RBFOX1: variants seen among roughly 807,000 people sequenced by gnomAD.
RBFOX1 encodes the protein RNA binding fox-1 homolog 1.
In RBFOX1, 8 loss-of-function variants were observed where a neutral mutation model predicts 57.7. The observed-to-expected ratio is 0.14, with a 90% CI of 0.08 to 0.25. The LOEUF is 0.25. RBFOX1 is among the 10% of genes least tolerant of loss of function. RBFOX1 has a pLI of 1.00. For synonymous variants in RBFOX1, 326 were observed against 222.4 expected (o/e 1.47, Z -4.15); for missense variants, 611 against 548.5 (o/e 1.11, Z -1.14).
intron 2 of RBFOX1, among the ~76,000 whole-genome samples, chr16:5,501,007 T>A (rs2043174892): frequency 6.6e-6 from 1 of 152,046 alleles, no homozygotes; most frequent in African/African-American, 2.4e-5. Flanking sequence ...ACTTTCAACA[T>A]TCCATGAGCC....
chr16:5,289,365 C>T, intron 1 of RBFOX1: 1 of 401,354 alleles, frequency 2.5e-6, no homozygotes, highest in Non-Finnish European at 4.8e-6. Flanking sequence ...GAGGGCCCAT[C>T]ATTGGCATCA....
chr16:5,825,487 G>C (rs1045959855), intron 3 of RBFOX1, among the ~76,000 whole-genome samples: 3 of 152,138 alleles, frequency 2.0e-5, no homozygotes, highest in African/African-American at 4.8e-5. Flanking sequence ...GGAATTTGTG[G>C]ATCAAATTTA....
At chr16:6,684,467 C>G (rs564037024) in intron 3 of RBFOX1, among the ~76,000 whole-genome samples, 7 of 152,326 alleles carry the variant, frequency 4.6e-5, no homozygotes, top group African/African-American at 1.7e-4. Context: ...CCACGGCAAA[C>G]CTCCTGAACT....
chr16:5,652,020 G>C (rs1277214914), intron 3 of RBFOX1, among the ~76,000 whole-genome samples: 3 of 152,088 alleles, frequency 2.0e-5, no homozygotes, highest in Non-Finnish European at 4.4e-5. Flanking sequence ...TATAGTCCCA[G>C]CTACTTGGGA....
intron 1 of RBFOX1, among the ~76,000 whole-genome samples, chr16:6,052,870 T>C (rs2095570847): frequency 1.3e-5 from 2 of 151,012 alleles, no homozygotes; most frequent in Non-Finnish European, 2.9e-5. Context: ...GTGCAGGTAT[T>C]AGATGAGATC....
intron 2 of RBFOX1, among the ~76,000 whole-genome samples, chr16:6,650,324 T>C (rs1186339493): frequency 6.6e-6 from 1 of 152,044 alleles, no homozygotes; most frequent in Non-Finnish European, 1.5e-5. Flanking sequence ...CTTCTTCCCA[T>C]AGCAAGGAAA....
In RBFOX1 at chr16:7,197,047, G is replaced by C. The variant is rs115619879; in HGVS notation, c.27+144949G>C. On this transcript the variant is annotated intron_variant, in intron 4 of 15. Coordinates refer to ENST00000550418, the MANE Select transcript of RBFOX1 (RefSeq NM_018723.4). Reference sequence around the variant, plus strand: ...AGGTGCACACCATAGCCATCTTTCAGCCAGTTGCTCCTTGTGTGCTAGACA... The same window carrying C: ...AGGTGCACACCATAGCCATCTTTCACCCAGTTGCTCCTTGTGTGCTAGACA... Among the ~76,000 whole-genome samples, 694 of 152,266 alleles carry C rather than the reference G, an allele frequency of 4.6e-3. 2 individuals are homozygous for C. Among genetic ancestry groups the C allele is most frequent in the African/African-American group, 0.016 (658 of 41,562 alleles).
chr16:7,706,694 A>G (rs1007050078), intron 14 of RBFOX1, among the ~76,000 whole-genome samples: 4 of 152,206 alleles, frequency 2.6e-5, no homozygotes, highest in Non-Finnish European at 5.9e-5. Flanking sequence ...TTCATATCCT[A>G]TTTATGAAAC....
intron 1 of RBFOX1, among the ~76,000 whole-genome samples, chr16:6,072,618 T>G (rs75247055): frequency 7.9e-6 from 1 of 125,922 alleles, no homozygotes; most frequent in East Asian, 2.2e-4. Flanking sequence ...CCAACAATTG[T>G]TTTTTTTTTT....
At position 6,638,367 on chromosome 16, in the gene RBFOX1, T is replaced by G. The variant is rs530099924; in HGVS notation, c.-63-16236T>G. 4.6e-5 allele frequency among the ~76,000 whole-genome samples: 7 copies of G among 152,318 alleles called. No individual in the cohort carries two copies. In the South Asian group the frequency reaches 1.4e-3, roughly 32 times the overall value. ...GCAAAAGAACATACATGTTCATTTT[T>G]TCTTCCTTATTTCAATTTTCTGAGA... On this transcript the variant is annotated intron_variant, in intron 2 of 15. Transcript: ENST00000550418.
intron 4 of RBFOX1, among the ~76,000 whole-genome samples, chr16:5,883,460 A>G (rs1239490990): frequency 6.6e-6 from 1 of 152,114 alleles, no homozygotes. Flanking sequence ...TTAGCATTGC[A>G]TCTTACCATA....
At chr16:7,472,037 T>C (rs2061650025) in intron 4 of RBFOX1, among the ~76,000 whole-genome samples, 1 of 152,200 alleles carries the variant, frequency 6.6e-6, no homozygotes, top group Non-Finnish European at 1.5e-5. Flanking sequence ...CTTTAGTATA[T>C]ATTTGACACA....
intron 2 of RBFOX1, among the ~76,000 whole-genome samples, chr16:6,631,866 T>G (rs2154059329): frequency 6.6e-6 from 1 of 151,914 alleles, no homozygotes; most frequent in South Asian, 2.1e-4. Flanking sequence ...CTTAATGCAT[T>G]TGAGAAGCTG....
At chr16:5,540,539 T>G (rs2044889292) in intron 2 of RBFOX1, among the ~76,000 whole-genome samples, 1 of 152,230 alleles carries the variant, frequency 6.6e-6, no homozygotes, top group Non-Finnish European at 1.5e-5. Flanking sequence ...TGGTTTAGTA[T>G]AACCCCGGGA....
chr16:7,577,333 C>T (rs1459297487), intron 5 of RBFOX1, among the ~76,000 whole-genome samples: 1 of 152,112 alleles, frequency 6.6e-6, no homozygotes, highest in Non-Finnish European at 1.5e-5. Context: ...GAAACCTGTC[C>T]TCCTGCCTTC....
In RBFOX1 at chr16:6,501,131, CTTTTTTTTTTT is replaced by C. The variant is rs1003003339; in HGVS notation, c.-63-153461_-63-153451del. On this transcript the variant is annotated intron_variant, in intron 2 of 15. Transcript: ENST00000550418. ...CTCTTTGTCTTGCCAGTTAAACATT[CTTTTTTTTTTT>C]TTTTTTTTTTATTTCACTTGAAGTT... Among the ~76,000 whole-genome samples the C allele has an allele frequency of 9.3e-5, 10 of 107,914 alleles. No individual in the cohort carries two copies. The Admixed American group carries it at 9.8e-4, about 11-fold the overall frequency. The allele number at this position is 107,914 out of a possible 152,430, so 70.8% of individuals were successfully genotyped here.
chr16:7,562,429 C>T (rs2090606553), intron 5 of RBFOX1, among the ~76,000 whole-genome samples: 1 of 152,090 alleles, frequency 6.6e-6, no homozygotes, highest in African/African-American at 2.4e-5. Context: ...AGAGGACCCT[C>T]ATCTGAAAGG....
intron 3 of RBFOX1, among the ~76,000 whole-genome samples, chr16:5,738,077 A>G (rs773086229): frequency 2.0e-5 from 3 of 149,580 alleles, no homozygotes; most frequent in Admixed American, 6.7e-5. Flanking sequence ...TCATTGTTCA[A>G]CTCTCACTTA....
chr16:6,983,491 G>A (rs191384323), intron 3 of RBFOX1: 12 of 151,216 alleles, frequency 7.9e-5, no homozygotes, highest in East Asian at 5.8e-4. Flanking sequence ...AAAAGGAAGC[G>A]CTTACTTCAG....
Sources: allele counts gnomAD v4.1 joint callset (sites outside exome capture counted in the v4.1 genomes callset), GRCh38; gene constraint gnomAD v4.1.1; transcripts MANE v1.5; gene names NCBI Gene and HGNC (gene_info 2026-07-23, HGNC 2026-07-21).